Variants in TICRR observed in about 807,000 individuals in gnomAD.
TICRR encodes the protein TOPBP1 interacting checkpoint and replication regulator, also known as treslin.
Under a neutral mutation model 178.1 loss-of-function variants are expected in TICRR, and 132 were observed. That is an observed-to-expected ratio of 0.74 (90% CI 0.64 to 0.86). The LOEUF (loss-of-function observed/expected upper bound fraction) is 0.86, where lower values mean the gene tolerates loss of function less well. Among genes scored for constraint, TICRR ranks in the 40% least tolerant of loss-of-function variants. The pLI is 0.00. For synonymous variants in TICRR, 991 were observed against 900.7 expected, an observed-to-expected ratio of 1.10 and a Z score of -1.79; for missense variants, 2,587 against 2,334.3, an observed-to-expected ratio of 1.11 and a Z score of -2.23.
intron 2 of TICRR, among the ~76,000 whole-genome samples, chr15:89,583,771 C>T (rs1357448553): frequency 3.3e-5 from 5 of 152,056 alleles, no homozygotes; most frequent in Non-Finnish European, 4.4e-5. Context: ...CACTGAGCCT[C>T]GACTTCCTGG....
intron 9 of TICRR, among the ~76,000 whole-genome samples, chr15:89,600,937 T>G (rs1413979394): frequency 6.6e-6 from 1 of 150,458 alleles, no homozygotes; most frequent in Non-Finnish European, 1.5e-5. Context: ...CCCTAGCTAC[T>G]TGGGATGCTG....
Position 89,575,933 on chromosome 15 carries a change from C to A in TICRR, c.347C>A (p.Pro116His). 1 of 1,596,038 alleles carries A rather than the reference C, an allele frequency of 6.3e-7. No homozygotes were observed. The highest frequency in any genetic ancestry group is 1.1e-5 in the South Asian group (1 of 89,100). Residue 116 changes from proline (P) to histidine (H), a missense_variant, in exon 1 of 22, where the codon CCC (proline) becomes CAC (histidine). Transcript: ENST00000268138. ...CTGCTAGACTACCAGTGGGACCGGCCCGAGATCACGTCGCCCACGAAGCCG... is the reference window on the plus strand; with the variant it reads ...CTGCTAGACTACCAGTGGGACCGGCACGAGATCACGTCGCCCACGAAGCCG... ...ETLLDYQWDR[P>H]EITSPTKPIL...
rs763490199 is a variant in TICRR, at chr15:89,623,883, G to C, written c.3573G>C (p.Lys1191Asn). The C allele has an allele frequency of 6.2e-7, 1 of 1,613,898 alleles. No individual in the cohort carries two copies. Among genetic ancestry groups the C allele is most frequent in the South Asian group, 1.1e-5 (1 of 91,060 alleles). Residue 1191 changes from lysine (K) to asparagine (N), a missense_variant, in exon 20 of 22, where the codon AAG (lysine) becomes AAC (asparagine). Lys to Asn is a moderately conservative substitution (Grantham distance 94). Transcript: ENST00000268138. The part of the protein sequence containing the change: ...QAGEGTSLET[K>N]TPRTPKRQGT... ...GAGAAGGTACCTCTCTTGAAACGAA[G>C]ACACCAAGAACTCCTAAGAGGCAAG...
In TICRR at chr15:89,618,217, G is replaced by C; in HGVS notation, c.3019+7G>C. On this transcript the variant is annotated splice_region_variant and intron_variant, in intron 17 of 21. Transcript: ENST00000268138. ...TCCCCTGAAAAAGGAGATGGTGAGT[G>C]TTATCTCTTTTTGTTTTTAATGCAA... The C allele has an allele frequency of 6.2e-7, 1 of 1,613,666 alleles. No homozygotes were observed. Among genetic ancestry groups the C allele is most frequent in the Non-Finnish European group, 8.5e-7 (1 of 1,179,584 alleles).
In TICRR at chr15:89,598,209, G is replaced by A. The variant is rs531269026; in HGVS notation, c.1901-1115G>A. Among the ~76,000 whole-genome samples the A allele has an allele frequency of 9.2e-5, 14 of 152,022 alleles. No homozygotes were observed. The South Asian group carries it at 1.5e-3, about 16-fold the overall frequency. On this transcript the variant is annotated intron_variant, in intron 7 of 21. Coordinates refer to ENST00000268138, the MANE Select transcript of TICRR (RefSeq NM_152259.4). ...AGGATGGTCTCGATCTCCTGACCTC[G>A]TGATCTGCCCACCTCAGCCTCCCAA...
rs545167454 is a variant in TICRR at position 89,587,830 on chromosome 15, C to T, written c.1411+1888C>T. 1.4e-4 allele frequency among the ~76,000 whole-genome samples: 21 copies of T among 152,054 alleles called. 1 individual carries two copies. In the South Asian group the frequency reaches 4.2e-3, roughly 30 times the overall value. On this transcript the variant is annotated intron_variant, in intron 4 of 21. Coordinates refer to ENST00000268138, the MANE Select transcript of TICRR (RefSeq NM_152259.4). ...GACAATTTTTTGGAGTAGTTTTGAT[C>T]TAAAAGATATTAGAGTAATGAAAAC...
intron 7 of TICRR, among the ~76,000 whole-genome samples, chr15:89,598,745 C>T (rs1161347896): frequency 6.6e-6 from 1 of 152,110 alleles, no homozygotes; most frequent in East Asian, 1.9e-4. Context: ...GTGGCTCATG[C>T]CAGTAATCCT....
chr15:89,626,032 C>T lies in TICRR; in HGVS notation c.5573C>T (p.Thr1858Ile), dbSNP rs771964595. The change falls in exon 21 of 22, where the codon ACA becomes ATA. Residue 1858 changes from threonine to isoleucine, a missense_variant. Physicochemically the swap from Thr to Ile is moderately conservative, Grantham distance 89 (BLOSUM62 -1). Transcript: ENST00000268138. Reference protein sequence around the residue: ...TQSPLLFQGKTPSSQSKDPRD... With the variant: ...TQSPLLFQGKIPSSQSKDPRD... Reference sequence around the variant, plus strand: ...TCTCCGCTGCTGTTCCAGGGGAAAACACCTTCCTCTCAGAGCAAAGACCCC... The same window carrying T: ...TCTCCGCTGCTGTTCCAGGGGAAAATACCTTCCTCTCAGAGCAAAGACCCC... 1.2e-6 allele frequency: 2 copies of T among 1,613,792 alleles called. No homozygotes were observed. Among genetic ancestry groups the T allele is most frequent in the East Asian group, 2.2e-5 (1 of 44,888 alleles).
At chr15:89,578,227 T>TA (rs1383071812) in intron 1 of TICRR, among the ~76,000 whole-genome samples, 1 of 152,160 alleles carries the variant, frequency 6.6e-6, no homozygotes, top group Admixed American at 6.5e-5. Context: ...TTAATGGAAA[T>TA]ACATGTCACT....
In TICRR at chr15:89,625,960, C is replaced by G; in HGVS notation, c.5501C>G (p.Ala1834Gly). The G allele has an allele frequency of 1.3e-6, 2 of 1,589,340 alleles. No homozygotes were observed. Among genetic ancestry groups the G allele is most frequent in the Non-Finnish European group, 1.7e-6 (2 of 1,170,312 alleles). ...GGCTCCACCCCACCTCCCAGCTGTG[C>G]CGTGCGGAGCTGCCTCTCTGCCAGT... ...VSGSTPPPSC[A>G]VRSCLSASAL... The change falls in exon 21 of 22, where the codon GCC (alanine) becomes GGC (glycine). Residue 1834 changes from alanine (A) to glycine (G), a missense_variant. Physicochemically the swap from Ala to Gly is moderately conservative, Grantham distance 60. Coordinates refer to ENST00000268138, the MANE Select transcript of TICRR (RefSeq NM_152259.4).
intron 5 of TICRR, among the ~76,000 whole-genome samples, chr15:89,593,968 C>T (rs978904368): frequency 6.6e-6 from 1 of 152,220 alleles, no homozygotes; most frequent in African/African-American, 2.4e-5. Context: ...TGCCCTACTT[C>T]CTCCTCTTCT....
intron 4 of TICRR, among the ~76,000 whole-genome samples, chr15:89,591,148 G>A (rs1054779002): frequency 2.0e-5 from 3 of 152,200 alleles, no homozygotes; most frequent in East Asian, 1.9e-4. Flanking sequence ...TGTGTGAGAC[G>A]GAGTCTCGCT....
rs1963549672 is a variant in TICRR at position 89,627,263 on chromosome 15, C to T, written c.*177C>T. 4.1e-6 allele frequency: 3 copies of T among 732,238 alleles called. No individual in the cohort carries two copies. Among genetic ancestry groups the T allele is most frequent in the East Asian group, 2.8e-5 (1 of 36,008 alleles). The allele number at this position is 732,238 out of a possible 1,614,324, so 45.4% of individuals were successfully genotyped here. Reference sequence around the variant, plus strand: ...ATCCAATCCATCTCCTGGCCCTGCCCCTTGTTGGGGAAGTTGCAGGAGGAG... The same window carrying T: ...ATCCAATCCATCTCCTGGCCCTGCCTCTTGTTGGGGAAGTTGCAGGAGGAG... On this transcript the variant is annotated 3_prime_UTR_variant, in exon 22 of 22. Transcript: ENST00000268138.
chr15:89,626,089 T>C, intron 21 of TICRR, 28 bp downstream of exon 21: 2 of 1,608,002 alleles, frequency 1.2e-6, no homozygotes, highest in Non-Finnish European at 1.7e-6. Context: ...TCTAGGACCC[T>C]TTCCTGTGAC....
chr15:89,621,076 A>G (rs959402575), intron 18 of TICRR, among the ~76,000 whole-genome samples: 12 of 144,292 alleles, frequency 8.3e-5, no homozygotes, highest in Non-Finnish European at 1.2e-4. Context: ...CTGGAGTGCA[A>G]TGGTGCAATG....
intron 15 of TICRR, among the ~76,000 whole-genome samples, chr15:89,613,955 C>G (rs901301634): frequency 9.2e-5 from 14 of 151,878 alleles, no homozygotes; most frequent in African/African-American, 3.1e-4. Flanking sequence ...GAGATCCAGA[C>G]CATCCTGGCT....
At position 89,625,179 on chromosome 15, in the gene TICRR, A is replaced by G; in HGVS notation, c.4869A>G (p.Ser1623=). Residue 1623 remains serine (S), a synonymous_variant, in exon 20 of 22, where the codon TCA becomes TCG. Coordinates refer to ENST00000268138, the MANE Select transcript of TICRR (RefSeq NM_152259.4). ...GCAAACCTGAACCCACCTATGTGTC[A>G]CCCCCCTGCCCCCGCCTCTCCCACA... ...SLSKPEPTYV[S]PPCPRLSHST... 2 of 1,604,068 alleles carry G rather than the reference A, an allele frequency of 1.2e-6. No homozygotes were observed. Among genetic ancestry groups the G allele is most frequent in the Non-Finnish European group, 1.7e-6 (2 of 1,175,028 alleles).
chr15:89,576,792 T>TAC (rs1198212869), intron 1 of TICRR, among the ~76,000 whole-genome samples: 1 of 143,186 alleles, frequency 7.0e-6, no homozygotes, highest in Non-Finnish European at 1.5e-5. Flanking sequence ...TTTAACACAA[T>TAC]ACCCAGGGGT....
rs1261462065 is a variant in TICRR at position 89,601,400 on chromosome 15, A to G, written c.2247+9A>G. Reference sequence around the variant, plus strand: ...AACAAGTAGTGGAGGAGGCAAGTATATAGTTTCGTGCCATTGAAATACGCC... The same window carrying G: ...AACAAGTAGTGGAGGAGGCAAGTATGTAGTTTCGTGCCATTGAAATACGCC... On this transcript the variant is annotated intron_variant, in intron 10 of 21. Coordinates refer to ENST00000268138, the MANE Select transcript of TICRR (RefSeq NM_152259.4). 5 of 1,613,420 alleles carry G rather than the reference A, an allele frequency of 3.1e-6. No individual in the cohort carries two copies. Among genetic ancestry groups the G allele is most frequent in the East Asian group, 4.5e-5 (2 of 44,884 alleles).
Sources: gnomAD v4.1 joint callset for allele counts (sites outside exome capture counted in the v4.1 genomes callset) on GRCh38, gnomAD v4.1.1 for gene constraint, MANE v1.5 for transcripts, NCBI Gene and HGNC (gene_info 2026-07-23, HGNC 2026-07-21) for gene names.